CHFR: variants seen among roughly 807,000 people sequenced by gnomAD.
The protein encoded by CHFR is checkpoint with forkhead and ring finger domains.
CHFR carries 57 observed loss-of-function variants against 87.6 expected under a neutral mutation model. The ratio of observed to expected loss-of-function variants is 0.65; its 90% confidence interval spans 0.53 to 0.81. The LOEUF is 0.81. Among genes scored for constraint, CHFR ranks in the 30% least tolerant of loss-of-function variants. The pLI, the probability that CHFR is intolerant of heterozygous loss-of-function variation, is 0.00. For synonymous variants in CHFR, 381 were observed against 359.2 expected (o/e 1.06, Z -0.69); for missense variants, 797 against 865.8 (o/e 0.92, Z 1.00).
chr12:132,848,172 G>T lies in CHFR; in HGVS notation c.1577-17C>A. 1 of 1,614,064 alleles carries T rather than the reference G, an allele frequency of 6.2e-7. No individual in the cohort carries two copies. The highest frequency in any genetic ancestry group is 8.5e-7 in the Non-Finnish European group (1 of 1,179,968). On this transcript the variant is annotated splice_polypyrimidine_tract_variant and intron_variant, in intron 13 of 17. Coordinates refer to ENST00000450056, the MANE Select transcript of CHFR (RefSeq NM_001161346.2). ...GGTTGAGCTCTGCCGAGATGAAGGGGCAATGTTACCTGTTTATAATGATGT... is the reference window on the plus strand; with the variant it reads ...GGTTGAGCTCTGCCGAGATGAAGGGTCAATGTTACCTGTTTATAATGATGT...
At chr12:132,847,635 C>G in intron 14 of CHFR, 2 of 1,079,494 alleles carry the variant, frequency 1.9e-6, no homozygotes, top group Non-Finnish European at 2.3e-6. Context: ...GCAAAGTGCT[C>G]GGCAGGAGGG....
intron 15 of CHFR, among the ~76,000 whole-genome samples, chr12:132,846,795 G>A (rs548126333): frequency 9.9e-4 from 150 of 152,246 alleles, no homozygotes; most frequent in African/African-American, 3.3e-3. Flanking sequence ...CAGGAGAATC[G>A]CTTGAACCCA....
chr12:132,885,903 T>A (rs895200623), intron 2 of CHFR, among the ~76,000 whole-genome samples: 9 of 152,150 alleles, frequency 5.9e-5, no homozygotes, highest in African/African-American at 1.9e-4. Context: ...TTCAAATACT[T>A]CCTCTTGTCT....
intron 2 of CHFR, among the ~76,000 whole-genome samples, chr12:132,885,692 G>A (rs962542561): frequency 1.3e-5 from 2 of 152,102 alleles, no homozygotes; most frequent in Non-Finnish European, 2.9e-5. Flanking sequence ...AAGTGCTAAC[G>A]CTAAAGTTCC....
intron 4 of CHFR, 81 bp downstream of exon 4, chr12:132,872,204 T>A (rs1209827251): frequency 4.8e-6 from 4 of 835,842 alleles, no homozygotes; most frequent in Non-Finnish European, 8.2e-6. Flanking sequence ...GGAAGGGATG[T>A]AGCCAGGAGG....
Position 132,839,902 on chromosome 12 carries a change from C to G in CHFR, c.*1652G>C, listed in dbSNP as rs186710929. The G allele has an allele frequency of 5.3e-3, 847 of 161,014 alleles. 4 individuals are homozygous for G. Among genetic ancestry groups the G allele is most frequent in the Non-Finnish European group, 9.0e-3 (679 of 75,710 alleles). 10.0% of individuals were successfully genotyped at this position (161,014 alleles called of 1,614,324 possible). Reference sequence around the variant, plus strand: ...TGGGACCTCCCTGCTCAGCCTCACCCCTGCACAAACTTGGGACCTCCCCCT... The same window carrying G: ...TGGGACCTCCCTGCTCAGCCTCACCGCTGCACAAACTTGGGACCTCCCCCT... On this transcript the variant is annotated 3_prime_UTR_variant, in exon 18 of 18. Transcript: ENST00000450056.
At chr12:132,876,596 A>G (rs1003248763) in intron 3 of CHFR, among the ~76,000 whole-genome samples, 2 of 152,226 alleles carry the variant, frequency 1.3e-5, no homozygotes, top group Non-Finnish European at 2.9e-5. Context: ...GAAAGAAATC[A>G]AACTTGAATA....
At chr12:132,863,945 G>A (rs1951273974) in intron 6 of CHFR, among the ~76,000 whole-genome samples, 1 of 151,928 alleles carries the variant, frequency 6.6e-6, no homozygotes, top group Non-Finnish European at 1.5e-5. Flanking sequence ...TGTATTTTTG[G>A]TAGAGACAGG....
intron 2 of CHFR, among the ~76,000 whole-genome samples, chr12:132,882,688 T>C (rs1247446693): frequency 6.9e-6 from 1 of 145,972 alleles, no homozygotes; most frequent in Non-Finnish European, 1.5e-5. Flanking sequence ...CAGAGGCGTC[T>C]CCATGCCAGA....
intron 3 of CHFR, among the ~76,000 whole-genome samples, chr12:132,874,180 G>A (rs1410125887): frequency 6.6e-6 from 1 of 152,272 alleles, no homozygotes; most frequent in Non-Finnish European, 1.5e-5. Context: ...ACTATAGTAA[G>A]ACAGCAAATT....
intron 17 of CHFR, among the ~76,000 whole-genome samples, 193 bp downstream of exon 17, chr12:132,842,818 C>T (rs1302435690): frequency 2.6e-5 from 4 of 152,170 alleles, no homozygotes; most frequent in African/African-American, 7.2e-5. Flanking sequence ...CAGGAAGACA[C>T]AGAAGTGGAA....
At position 132,861,940 on chromosome 12, in the gene CHFR, C is replaced by T. The variant is rs556233254; in HGVS notation, c.584-306G>A. ...CTAACGCAGGGCAAACCCACATACCCGTGGTCATATGATACACACTGTGTC... is the reference window on the plus strand; with the variant it reads ...CTAACGCAGGGCAAACCCACATACCTGTGGTCATATGATACACACTGTGTC... On this transcript the variant is annotated intron_variant, in intron 6 of 17. Transcript: ENST00000450056. The T allele has an allele frequency of 4.6e-5, 16 of 346,442 alleles. No homozygotes were observed. In the East Asian group the frequency reaches 5.4e-4, roughly 12 times the overall value. The allele number at this position is 346,442 out of a possible 1,614,324, so 21.5% of individuals were successfully genotyped here.
At chr12:132,847,310 C>T (rs1040466259) in intron 14 of CHFR, 180 bp from the exon 15 acceptor site, 16 of 1,360,166 alleles carry the variant, frequency 1.2e-5, no homozygotes, top group Non-Finnish European at 1.3e-5. Flanking sequence ...GAAGTCTTGT[C>T]CAAGAGCCTC....
rs2136895679 is a variant in CHFR, at chr12:132,835,076, G to C, written c.*6478C>G. On this transcript the variant is annotated 3_prime_UTR_variant, in exon 18 of 18. Coordinates refer to ENST00000450056, the MANE Select transcript of CHFR (RefSeq NM_001161346.2). ...CACAGAGGGCCCACAAGCTAATCCA[G>C]GATCCTCCCCTCATCTCAAGGTCCT... 1 of 152,348 alleles carries C rather than the reference G, an allele frequency of 6.6e-6. No individual in the cohort carries two copies. Among genetic ancestry groups the C allele is most frequent in the Non-Finnish European group, 1.5e-5 (1 of 68,088 alleles). The allele number at this position is 152,348 out of a possible 1,614,324, so 9.4% of individuals were successfully genotyped here. A position where few individuals can be genotyped will look rare whatever the true frequency, so the allele number is the denominator to read the frequency against.
chr12:132,887,056 C>A (rs867433948), intron 2 of CHFR, 140 bp downstream of exon 2: 18 of 670,504 alleles, frequency 2.7e-5, no homozygotes, highest in Middle Eastern at 8.6e-4. Flanking sequence ...GGCAGAACAC[C>A]GAATAAATAC....
intron 5 of CHFR, 78 bp downstream of exon 5, chr12:132,870,642 AGAGC>A: frequency 2.0e-6 from 2 of 986,572 alleles, no homozygotes; most frequent in Non-Finnish European, 3.2e-6. Context: ...CCTGGGTAAC[AGAGC>A]GAGACTCCAT....
At chr12:132,846,359 T>C (rs1166883931) in intron 15 of CHFR, among the ~76,000 whole-genome samples, 7 of 149,246 alleles carry the variant, frequency 4.7e-5, no homozygotes, top group Admixed American at 3.4e-4. Flanking sequence ...GCCTCCCGGG[T>C]TCACGCCATT....
At chr12:132,865,832 G>A (rs1012144704) in intron 6 of CHFR, 10 of 151,474 alleles carry the variant, frequency 6.6e-5, no homozygotes, top group Admixed American at 6.6e-4. Flanking sequence ...GCTAATTTTT[G>A]TATTTTTTAT....
intron 6 of CHFR, chr12:132,862,312 G>C: frequency 3.5e-6 from 1 of 284,706 alleles, no homozygotes; most frequent in Non-Finnish European, 6.9e-6. Flanking sequence ...AGAGGTCTGA[G>C]GCTGGGCATG....
Sources: gnomAD v4.1 joint callset for allele counts (sites outside exome capture counted in the v4.1 genomes callset) on GRCh38, gnomAD v4.1.1 for gene constraint, MANE v1.5 for transcripts, NCBI Gene and HGNC (gene_info 2026-07-23, HGNC 2026-07-21) for gene names.